The following GRID2IP variants were observed in gnomAD, a reference collection of about 807,000 sequenced individuals.
The protein encoded by GRID2IP is Grid2 interacting protein.
In GRID2IP, 78 loss-of-function variants were observed where a neutral mutation model predicts 114.3. That is an observed-to-expected ratio of 0.68 (90% confidence interval 0.57 to 0.82). The LOEUF is 0.82. GRID2IP is among the 40% of genes least tolerant of loss of function. GRID2IP has a pLI of 0.00. For missense variants in GRID2IP, 1,727 were observed against 1,678.5 expected, an observed-to-expected ratio of 1.03 and a Z score of -0.51; for synonymous variants, 809 against 724.0, an observed-to-expected ratio of 1.12 and a Z score of -1.89.
Position 6,520,046 on chromosome 7 carries a change from C to T in GRID2IP, c.1268+532G>A, listed in dbSNP as rs145523779. Among the ~76,000 whole-genome samples, 4,090 of 152,042 alleles carry T rather than the reference C, an allele frequency of 0.027. 114 individuals carry two copies. The highest frequency in any genetic ancestry group is 0.069 in the South Asian group (332 of 4,822). On this transcript the variant is annotated intron_variant, in intron 7 of 21. Transcript: ENST00000457091. The surrounding 1 kb of genome is among the most constrained non-coding windows in gnomAD (Gnocchi z 4.6). ...ATCCCAGCACTTTGGGAGGCCGAGG[C>T]GGGCAGATCACGAGGTCAGGAGTTT...
At position 6,534,958 on chromosome 7, in the gene GRID2IP, T is replaced by C. The variant is rs1460232886; in HGVS notation, c.584+4760A>G. Among the ~76,000 whole-genome samples, 3 of 152,210 alleles carry C rather than the reference T, an allele frequency of 2.0e-5. No individual in the cohort carries two copies. Among genetic ancestry groups the C allele is most frequent in the Admixed American group, 6.5e-5 (1 of 15,270 alleles). On this transcript the variant is annotated intron_variant, in intron 2 of 21. Coordinates refer to ENST00000457091, the MANE Select transcript of GRID2IP (RefSeq NM_001145118.2). The surrounding 1 kb of genome is among the most constrained non-coding windows in gnomAD (Gnocchi z 4.5). ...TGGAGTGCAATGGCACGATCTCGGC[T>C]CACTGCAATCTCCGCCTCCCAGGTT...
intron 1 of GRID2IP, among the ~76,000 whole-genome samples, chr7:6,542,806 G>T (rs1034940749): frequency 9.2e-5 from 14 of 152,110 alleles, no homozygotes; most frequent in African/African-American, 3.1e-4. Flanking sequence ...CCATCGAATT[G>T]CCCACATGTC....
In GRID2IP at chr7:6,528,428, C is replaced by T. The variant is rs139849013; in HGVS notation, c.585-1659G>A. On this transcript the variant is annotated intron_variant, in intron 2 of 21. Coordinates refer to ENST00000457091, the MANE Select transcript of GRID2IP (RefSeq NM_001145118.2). The surrounding 1 kb of genome is among the most constrained non-coding windows in gnomAD (Gnocchi z 6.0). ...ACGGTTACACAGCTGGCCTGTGGCA[C>T]AGCTGGCATCAGAGAACAGACTTCA... Among the ~76,000 whole-genome samples the T allele has an allele frequency of 2.7e-4, 41 of 152,334 alleles. 1 individual carries two copies. In the East Asian group the frequency reaches 7.9e-3, roughly 29 times the overall value.
At chr7:6,514,963 A>G (rs1414853312) in intron 7 of GRID2IP, among the ~76,000 whole-genome samples, 1 of 151,460 alleles carries the variant, frequency 6.6e-6, no homozygotes, top group Non-Finnish European at 1.5e-5. Flanking sequence ...AAAAAAAAAA[A>G]AAAGAAAAGA....
Position 6,534,907 on chromosome 7 carries a change from T to C in GRID2IP, c.584+4811A>G, listed in dbSNP as rs1374279772. The stretch of plus-strand genomic sequence containing the variant: ...ATTTATTTATTTATTTATTTTGAGA[T>C]AGAGTTTCACTCCTGTTGCCCAGGC... On this transcript the variant is annotated intron_variant, in intron 2 of 21. Transcript: ENST00000457091. The surrounding 1 kb of genome is among the most constrained non-coding windows in gnomAD (Gnocchi z 4.5). Among the ~76,000 whole-genome samples the C allele has an allele frequency of 1.3e-5, 2 of 151,932 alleles. No individual in the cohort carries two copies. Among genetic ancestry groups the C allele is most frequent in the Non-Finnish European group, 2.9e-5 (2 of 67,984 alleles).
At chr7:6,500,186 G>A (rs1192444827) in intron 20 of GRID2IP, among the ~76,000 whole-genome samples, 4 of 151,938 alleles carry the variant, frequency 2.6e-5, no homozygotes, top group South Asian at 2.1e-4. Context: ...TGGGTGGGCC[G>A]GGCACAGTGG....
chr7:6,508,952 G>T lies in GRID2IP; in HGVS notation c.2127+6C>A. The stretch of plus-strand genomic sequence containing the variant: ...CGCCTCCCTCCACACCTGCTTGCGT[G>T]CCCACCTCCTCGTAGTCGTTCTCCG... On this transcript the variant is annotated splice_donor_region_variant and intron_variant, in intron 12 of 21. Coordinates refer to ENST00000457091, the MANE Select transcript of GRID2IP (RefSeq NM_001145118.2). The surrounding 1 kb of genome is among the most constrained non-coding windows in gnomAD (Gnocchi z 5.6). 6.5e-7 allele frequency: 1 copy of T among 1,544,410 alleles called. No individual in the cohort carries two copies.
chr7:6,541,678 G>A (rs535902278), intron 1 of GRID2IP, among the ~76,000 whole-genome samples: 3 of 152,286 alleles, frequency 2.0e-5, no homozygotes, highest in Admixed American at 2.0e-4. Context: ...CGTTGGAAAC[G>A]AGTGTGCAAA....
At chr7:6,505,788 TGG>T in intron 14 of GRID2IP, 30 bp downstream of exon 14, 1 of 1,438,316 alleles carries the variant, frequency 7.0e-7, no homozygotes, top group Middle Eastern at 1.7e-4. Flanking sequence ...GTGTGGTATC[TGG>T]GGTTCCCCCA....
rs1342138898 is a variant in GRID2IP at position 6,526,709 on chromosome 7, C to T, written c.645G>A (p.Leu215=). ...RFDEVVSQGL[L]GKLCRARRAQ... Reference sequence around the variant, plus strand: ...CCCGGCGTGCGCGGCACAGCTTGCCCAGGAGGCCCTGAGACACCACCTCGT... The same window carrying T: ...CCCGGCGTGCGCGGCACAGCTTGCCTAGGAGGCCCTGAGACACCACCTCGT... The change falls in exon 3 of 22, where the codon CTG becomes CTA. Residue 215 remains leucine, a synonymous_variant. Transcript: ENST00000457091. This position sits in a 1 kb window ranked among gnomAD's most constrained non-coding sequence, Gnocchi z 7.6. 3 of 1,513,524 alleles carry T rather than the reference C, an allele frequency of 2.0e-6. No individual in the cohort carries two copies. Among genetic ancestry groups the T allele is most frequent in the Admixed American group, 2.1e-5 (1 of 47,540 alleles). The allele number at this position is 1,513,524 out of a possible 1,614,324, so 93.8% of individuals were successfully genotyped here.
At chr7:6,510,046 T>A (rs1786721625) in intron 11 of GRID2IP, among the ~76,000 whole-genome samples, 1 of 152,042 alleles carries the variant, frequency 6.6e-6, no homozygotes. Flanking sequence ...GCCAGGCTGG[T>A]CTCAAACTCC....
chr7:6,503,491 C>G lies in GRID2IP; in HGVS notation c.2907G>C (p.Gln969His). ...CGGGGCGGGGTTGTGGTCGCGGCAC[C>G]TGCAGGACGAACTGGTCCGGCTCGC... ...RLSEPDQFVL[Q>H]MLSVPEYKTR... Residue 969 changes from glutamine (Q) to histidine (H), a missense_variant and splice_region_variant, in exon 16 of 22, where the codon CAG (glutamine) becomes CAC (histidine). Coordinates refer to ENST00000457091, the MANE Select transcript of GRID2IP (RefSeq NM_001145118.2). 1 of 1,523,072 alleles carries G rather than the reference C, an allele frequency of 6.6e-7. No individual in the cohort carries two copies. Among genetic ancestry groups the G allele is most frequent in the Non-Finnish European group, 8.8e-7 (1 of 1,142,138 alleles). 94.3% of individuals were successfully genotyped at this position (1,523,072 alleles called of 1,614,324 possible).
chr7:6,550,889 T>A, intron 1 of GRID2IP, 119 bp downstream of exon 1: 1 of 1,143,520 alleles, frequency 8.7e-7, no homozygotes. Flanking sequence ...ATATTTCTGT[T>A]AAATCTGACC....
At position 6,502,060 on chromosome 7, in the gene GRID2IP, G is replaced by A. The variant is rs745398902; in HGVS notation, c.3209C>T (p.Ser1070Leu). Residue 1070 changes from serine to leucine, a missense_variant, in exon 19 of 22, where the codon TCG becomes TTG. Physicochemically the swap from Ser to Leu is moderately radical, Grantham distance 145. Coordinates refer to ENST00000457091, the MANE Select transcript of GRID2IP (RefSeq NM_001145118.2). ...GAGTTCAGGGAAGTGCTGGCTCAGC[G>A]ATTTGGCAAGGATGTGCAGGAAGGT... ...KSTFLHILAK[S>L]LSQHFPELLG... is the part of the protein sequence containing the mutation. 17 of 1,551,274 alleles carry A rather than the reference G, an allele frequency of 1.1e-5. No individual in the cohort carries two copies. The highest frequency in any genetic ancestry group is 2.0e-5 in the Admixed American group (1 of 50,958).
At position 6,508,375 on chromosome 7, in the gene GRID2IP, G is replaced by A. The variant is rs1426182192; in HGVS notation, c.2154C>T (p.Ser718=). ...CGCTGCTCCGCTCATTGGTTACGAA[G>A]CTGCCCTGGTCATCATGGAAGCTCA... is the stretch of plus-strand genomic sequence containing the variant. ...EEMSFHDDQG[S]FVTNERSSAS... is the part of the protein sequence containing the mutation. The change falls in exon 13 of 22, where the codon AGC becomes AGT. Residue 718 remains serine (S), a synonymous_variant. Coordinates refer to ENST00000457091, the MANE Select transcript of GRID2IP (RefSeq NM_001145118.2). The surrounding 1 kb of genome is among the most constrained non-coding windows in gnomAD (Gnocchi z 5.6). The A allele has an allele frequency of 2.6e-6, 4 of 1,551,520 alleles. No homozygotes were observed. Among genetic ancestry groups the A allele is most frequent in the East Asian group, 4.9e-5 (2 of 40,930 alleles).
chr7:6,502,101 T>C lies in GRID2IP; in HGVS notation c.3168A>G (p.Thr1056=). The change falls in exon 19 of 22, where the codon ACA becomes ACG. Residue 1056 remains threonine, a synonymous_variant. Transcript: ENST00000457091. ...NFLTELNSTK[T]VDGKSTFLHI... is the part of the protein sequence containing the mutation. ...GCAGGAAGGTGGACTTCCCATCCACTGTCTTGGTGGAGTTCAGCTGCAAGT... is the reference window on the plus strand; with the variant it reads ...GCAGGAAGGTGGACTTCCCATCCACCGTCTTGGTGGAGTTCAGCTGCAAGT... The C allele has an allele frequency of 6.4e-7, 1 of 1,551,246 alleles. No homozygotes were observed.
At position 6,534,414 on chromosome 7, in the gene GRID2IP, C is replaced by A. The variant is rs913503313; in HGVS notation, c.584+5304G>T. Among the ~76,000 whole-genome samples the A allele has an allele frequency of 1.3e-5, 2 of 152,238 alleles. No homozygotes were observed. Among genetic ancestry groups the A allele is most frequent in the Non-Finnish European group, 2.9e-5 (2 of 68,042 alleles). ...TAATTAGAAAGCCATTTTCTCACTTCATCAGACCGGGGTCCCTTTGGGGAG... is the reference window on the plus strand; with the variant it reads ...TAATTAGAAAGCCATTTTCTCACTTAATCAGACCGGGGTCCCTTTGGGGAG... On this transcript the variant is annotated intron_variant, in intron 2 of 21. Transcript: ENST00000457091. The surrounding 1 kb of genome is among the most constrained non-coding windows in gnomAD (Gnocchi z 4.5).
intron 1 of GRID2IP, among the ~76,000 whole-genome samples, chr7:6,547,875 G>A (rs534046864): frequency 1.3e-5 from 2 of 152,290 alleles, no homozygotes; most frequent in African/African-American, 2.4e-5. Context: ...TGGGCAGTGG[G>A]CTGGGAGGCA....
chr7:6,537,102 C>T (rs1320441701), intron 2 of GRID2IP, among the ~76,000 whole-genome samples: 1 of 151,966 alleles, frequency 6.6e-6, no homozygotes, highest in Non-Finnish European at 1.5e-5. Flanking sequence ...CCGGCGGGAT[C>T]CGGGGAGGGA....
Sources: gnomAD v4.1 joint callset for allele counts (sites outside exome capture counted in the v4.1 genomes callset) on GRCh38, gnomAD v4.1.1 for gene constraint, Gnocchi (gnomAD v3.1) non-coding constraint, MANE v1.5 for transcripts, NCBI Gene and HGNC (gene_info 2026-07-23, HGNC 2026-07-21) for gene names.